NBEAL1: variants seen among roughly 807,000 people sequenced by gnomAD.
The protein encoded by NBEAL1 is neurobeachin like 1.
NBEAL1 carries 273 observed loss-of-function variants against 351.3 expected under a neutral mutation model. The observed-to-expected ratio is 0.78, with a 90% confidence interval of 0.70 to 0.86. The LOEUF (loss-of-function observed/expected upper bound fraction) is 0.86, where lower values mean the gene tolerates loss of function less well. Among genes scored for constraint, NBEAL1 ranks in the 40% least tolerant of loss-of-function variants. The pLI, the probability that NBEAL1 is intolerant of heterozygous loss-of-function variation, is 0.00. For synonymous variants in NBEAL1, 1,050 were observed against 1,086.4 expected (o/e 0.97, Z 0.66); for missense variants, 2,961 against 3,201.3 (o/e 0.92, Z 1.81).
At chr2:203,190,708 C>T (rs569926589) in intron 46 of NBEAL1, 100 of 1,568,122 alleles carry the variant, frequency 6.4e-5, no homozygotes, top group Non-Finnish European at 8.2e-5. Context: ...GCTTTCGGCT[C>T]GGAGGAGGCC....
intron 31 of NBEAL1, among the ~76,000 whole-genome samples, chr2:203,140,049 C>T (rs1278377721): frequency 6.6e-6 from 1 of 151,644 alleles, no homozygotes; most frequent in Non-Finnish European, 1.5e-5. Context: ...GCCTGTAATC[C>T]CAGTACTTTG....
chr2:203,217,252 G>T lies in NBEAL1; in HGVS notation c.8071-1G>T. 1.3e-6 allele frequency: 2 copies of T among 1,569,552 alleles called. No individual in the cohort carries two copies. Among genetic ancestry groups the T allele is most frequent in the Admixed American group, 1.9e-5 (1 of 51,736 alleles). On this transcript the variant is annotated splice_acceptor_variant, in intron 55 of 55. Transcript: ENST00000683969. LOFTEE classifies it high-confidence loss of function. ...TCATTTCTTTGGATTACTTTACACA[G>T]ATGCGTTCAGGTCAGCTTTCTCGAA...
chr2:203,174,666 G>A (rs1378896271), intron 41 of NBEAL1, among the ~76,000 whole-genome samples: 2 of 151,978 alleles, frequency 1.3e-5, no homozygotes, highest in Non-Finnish European at 2.9e-5. Context: ...GCTGAGGCAG[G>A]TGGATCACAA....
intron 3 of NBEAL1, among the ~76,000 whole-genome samples, chr2:203,047,622 C>A (rs1486118856): frequency 6.6e-6 from 1 of 152,114 alleles, no homozygotes; most frequent in Admixed American, 6.6e-5. Flanking sequence ...CCTTCTGTGG[C>A]AGCACAGGAA....
At chr2:203,063,189 A>C (rs1356654607) in intron 6 of NBEAL1, among the ~76,000 whole-genome samples, 1 of 150,938 alleles carries the variant, frequency 6.6e-6, no homozygotes, top group East Asian at 2.0e-4. Flanking sequence ...TAGGGAAATA[A>C]ATCAGCCAGG....
chr2:203,157,910 A>G (rs2063838827), intron 36 of NBEAL1, 85 bp downstream of exon 36: 6 of 1,128,896 alleles, frequency 5.3e-6, no homozygotes, highest in East Asian at 5.5e-5. Flanking sequence ...TTCTAACACC[A>G]TGTATTTCCA....
intron 27 of NBEAL1, among the ~76,000 whole-genome samples, chr2:203,135,208 G>A (rs1357434021): frequency 4.0e-5 from 6 of 150,436 alleles, no homozygotes; most frequent in Non-Finnish European, 5.9e-5. Flanking sequence ...TGAAAAAAAC[G>A]AGACAGAAAA....
intron 24 of NBEAL1, among the ~76,000 whole-genome samples, 151 bp downstream of exon 24, chr2:203,128,088 A>T (rs2106288594): frequency 6.6e-6 from 1 of 151,526 alleles, no homozygotes; most frequent in Admixed American, 6.6e-5. Context: ...AGTAAATTTT[A>T]TCTTTTTTTT....
chr2:203,193,899 AT>A lies in NBEAL1; in HGVS notation c.7032del (p.Phe2344LeufsTer2). On this transcript the variant is annotated frameshift_variant, in exon 47 of 56. Coordinates refer to ENST00000683969, the MANE Select transcript of NBEAL1 (RefSeq NM_001378026.1). LOFTEE classifies it high-confidence loss of function. ...TTCAACACCTTCCTGAACTCAAGTC[AT>A]TTTTTATAGAGGTAATATCCTACTT... ...LFQHLPELKS[F>X]FIEGISDGIP... 1 of 1,597,926 alleles carries A rather than the reference AT, an allele frequency of 6.3e-7. No homozygotes were observed. Among genetic ancestry groups the A allele is most frequent in the Non-Finnish European group, 8.6e-7 (1 of 1,167,074 alleles).
chr2:203,091,490 T>A (rs1029002825), intron 10 of NBEAL1, among the ~76,000 whole-genome samples: 1 of 152,222 alleles, frequency 6.6e-6, no homozygotes, highest in African/African-American at 2.4e-5. Flanking sequence ...TACCCAGAAG[T>A]AGGATTACTA....
At chr2:203,189,397 T>C (rs1189477780) in intron 45 of NBEAL1, among the ~76,000 whole-genome samples, 1 of 152,182 alleles carries the variant, frequency 6.6e-6, no homozygotes, top group Non-Finnish European at 1.5e-5. Context: ...ATTTATTTTT[T>C]TATCTTGTGA....
At chr2:203,136,293 T>C in intron 28 of NBEAL1, 41 bp downstream of exon 28, 1 of 1,326,020 alleles carries the variant, frequency 7.5e-7, no homozygotes, top group Non-Finnish European at 1.0e-6. Flanking sequence ...TTTATTTTCA[T>C]GTCTGATATA....
At chr2:203,083,976 CTGTGTGTGTGTG>C (rs59252809) in intron 9 of NBEAL1, among the ~76,000 whole-genome samples, 24 of 134,198 alleles carry the variant, frequency 1.8e-4, no homozygotes, top group East Asian at 4.5e-4. Context: ...TCCTCAGAGC[CTGTGTGTGTGTG>C]TGTGTGTGTG....
chr2:203,130,188 T>C, intron 24 of NBEAL1, 130 bp from the exon 25 acceptor site: 1 of 879,716 alleles, frequency 1.1e-6, no homozygotes, highest in Non-Finnish European at 1.6e-6. Flanking sequence ...AAAGACATCA[T>C]ATCAGATATA....
intron 15 of NBEAL1, among the ~76,000 whole-genome samples, chr2:203,111,080 C>G (rs2062562759): frequency 6.6e-6 from 1 of 152,060 alleles, no homozygotes; most frequent in Non-Finnish European, 1.5e-5. Flanking sequence ...TAACTCACAC[C>G]TGTAAACCCA....
At chr2:203,030,851 A>C (rs1429764928) in intron 2 of NBEAL1, among the ~76,000 whole-genome samples, 1 of 152,160 alleles carries the variant, frequency 6.6e-6, no homozygotes, top group Non-Finnish European at 1.5e-5. Flanking sequence ...TGTCTCTACA[A>C]AAAAAATTCA....
chr2:203,050,804 T>C (rs2061312533), intron 4 of NBEAL1, among the ~76,000 whole-genome samples: 2 of 152,174 alleles, frequency 1.3e-5, no homozygotes, highest in African/African-American at 2.4e-5. Context: ...TCCACATTCA[T>C]CTACATGTAA....
chr2:203,111,804 G>T (rs1008924771), intron 15 of NBEAL1, among the ~76,000 whole-genome samples, 175 bp from the exon 16 acceptor site: 3 of 152,132 alleles, frequency 2.0e-5, no homozygotes, highest in Non-Finnish European at 1.5e-5. Context: ...ATATGCTTAC[G>T]TGCTTTTGTA....
intron 18 of NBEAL1, 118 bp downstream of exon 18, chr2:203,116,188 C>G (rs1465717875): frequency 1.4e-6 from 1 of 705,342 alleles, no homozygotes; most frequent in African/African-American, 1.8e-5. Context: ...GAATTGCCAT[C>G]AAAATAATCA....
Sources: gnomAD v4.1 joint callset for allele counts (sites outside exome capture counted in the v4.1 genomes callset) on GRCh38, gnomAD v4.1.1 for gene constraint, MANE v1.5 for transcripts, NCBI Gene and HGNC (gene_info 2026-07-23, HGNC 2026-07-21) for gene names.